The following USP42 variants were observed in gnomAD, a reference collection of about 807,000 sequenced individuals.
USP42 encodes ubiquitin specific peptidase 42, also known as ubiquitin carboxyl-terminal hydrolase 42.
In USP42, 23 loss-of-function variants were observed where a neutral mutation model predicts 113.0. The observed-to-expected ratio is 0.20, with a 90% CI of 0.15 to 0.29. The LOEUF is 0.29. USP42 is among the 10% of genes least tolerant of loss of function. USP42 has a pLI of 1.00. For synonymous variants in USP42, 933 were observed against 699.0 expected (o/e 1.33, Z -5.28); for missense variants, 2,174 against 1,779.8 (o/e 1.22, Z -3.99).
chr7:6,087,525 T>C, the USP42 span, among the ~76,000 whole-genome samples: 12 of 149,148 alleles, frequency 8.0e-5, 2 homozygotes, highest in African/African-American at 2.5e-4. Context: ...TTTGTAGAGA[T>C]GGGGTCTTGC....
intron 3 of USP42, among the ~76,000 whole-genome samples, chr7:6,131,483 A>G (rs1780849112): frequency 6.6e-6 from 1 of 152,136 alleles, no homozygotes; most frequent in South Asian, 2.1e-4. Context: ...CAAAAAAAAC[A>G]AACCAAACAA....
At position 6,146,950 on chromosome 7, in the gene USP42, C is replaced by T. The variant is rs77749212; in HGVS notation, c.1232+702C>T. On this transcript the variant is annotated intron_variant, in intron 11 of 17. Transcript: ENST00000306177. ...ACCTGGAGCACAGGTCAGTTGCCTT[C>T]CAGGCCAAGGCCAGCACCCGCACCC... 5.4e-3 allele frequency among the ~76,000 whole-genome samples: 823 copies of T among 152,358 alleles called. 6 individuals are homozygous for T. Among genetic ancestry groups the T allele is most frequent in the African/African-American group, 0.019 (789 of 41,594 alleles).
At chr7:6,105,969 C>G (rs956945478) in intron 1 of USP42, among the ~76,000 whole-genome samples, 11 of 152,184 alleles carry the variant, frequency 7.2e-5, no homozygotes, top group Admixed American at 6.6e-4. Flanking sequence ...GTTAACGCCT[C>G]CTTTTCAAGG....
intron 14 of USP42, 126 bp from the exon 15 acceptor site, chr7:6,153,624 AAAGTAT>A (rs1231689776): frequency 4.4e-5 from 52 of 1,171,302 alleles, no homozygotes; most frequent in Middle Eastern, 3.1e-4. Flanking sequence ...CCTGAAACTT[AAAGTAT>A]AATAATAATA....
In USP42 at chr7:6,154,673, G is replaced by A. The variant is rs1782316304; in HGVS notation, c.3119G>A (p.Gly1040Asp). The A allele has an allele frequency of 1.9e-6, 3 of 1,605,716 alleles. No homozygotes were observed. Among genetic ancestry groups the A allele is most frequent in the South Asian group, 2.2e-5 (2 of 89,748 alleles). Residue 1040 changes from glycine (G) to aspartate (D), a missense_variant, in exon 15 of 18, where the codon GGC (glycine) becomes GAC (aspartate). Physicochemically the swap from Gly to Asp is moderately conservative, Grantham distance 94 (BLOSUM62 -1). Transcript: ENST00000306177. The part of the protein sequence containing the change: ...LDWVRHHYTE[G>D]ERGWGREKFY... ...TGGGTCAGACACCACTACACCGAGG[G>A]CGAGCGTGGCTGGGGCCGGGAGAAG...
In USP42 at chr7:6,154,753, G is replaced by T. The variant is rs1414414647; in HGVS notation, c.3199G>T (p.Ala1067Ser). 7.7e-6 allele frequency: 12 copies of T among 1,563,944 alleles called. No individual in the cohort carries two copies. The highest frequency in any genetic ancestry group is 1.4e-5 in the African/African-American group (1 of 73,644). The change falls in exon 15 of 18, where the codon GCC becomes TCC. Residue 1067 changes from alanine (A) to serine (S), a missense_variant. Transcript: ENST00000306177. ...DRCRYYHDRY[A>S]LYAARDWKPF... ...GTGCCGGTACTACCATGACAGGTAC[G>T]CCCTGTACGCTGCCCGGGACTGGAA... is the stretch of plus-strand genomic sequence containing the variant.
At chr7:6,092,057 C>CTTCTT in the USP42 span, among the ~76,000 whole-genome samples, 6 of 56,626 alleles carry the variant, frequency 1.1e-4, no homozygotes, top group African/African-American at 3.7e-4. Flanking sequence ...CTTCTTCTTT[C>CTTCTT]TTCTTCTTCT....
the USP42 span, among the ~76,000 whole-genome samples, chr7:6,096,904 G>C: frequency 1.4e-5 from 2 of 147,198 alleles, no homozygotes; most frequent in Non-Finnish European, 2.9e-5. Context: ...ACTCCAGGAT[G>C]CCATCATTTT....
intron 3 of USP42, among the ~76,000 whole-genome samples, chr7:6,120,410 T>A (rs1444771877): frequency 6.6e-6 from 1 of 152,148 alleles, no homozygotes; most frequent in Non-Finnish European, 1.5e-5. Flanking sequence ...TTCTAGCTAA[T>A]TTTTGTATTT....
intron 3 of USP42, chr7:6,116,999 TC>T (rs1779947458): frequency 7.4e-6 from 3 of 403,164 alleles, no homozygotes; most frequent in African/African-American, 2.1e-5. Context: ...CCTCCCTTCC[TC>T]CCTCTCTTTC....
At chr7:6,118,372 A>G (rs1226819765) in intron 3 of USP42, among the ~76,000 whole-genome samples, 1 of 152,094 alleles carries the variant, frequency 6.6e-6, no homozygotes, top group Non-Finnish European at 1.5e-5. Context: ...AAATACAAAA[A>G]TTATCTGGGC....
At position 6,154,373 on chromosome 7, in the gene USP42, A is replaced by T. The variant is rs1473722282; in HGVS notation, c.2819A>T (p.Glu940Val). Residue 940 changes from glutamate to valine, a missense_variant, in exon 15 of 18, where the codon GAG (glutamate) becomes GTG (valine). Glu to Val is a moderately radical substitution (Grantham distance 121). Coordinates refer to ENST00000306177, the MANE Select transcript of USP42 (RefSeq NM_032172.3). ...PKAPGPSPAK[E>V]KIGSLRKVDR... ...GCCCCAGGCCCTTCCCCAGCGAAGG[A>T]GAAAATCGGCAGCCTCAGAAAGGTG... 7.0e-6 allele frequency: 11 copies of T among 1,576,522 alleles called. No individual in the cohort carries two copies. The highest frequency in any genetic ancestry group is 9.5e-6 in the Non-Finnish European group (11 of 1,162,800).
chr7:6,104,255 TG>T (rs1434071016), upstream of USP42, among the ~76,000 whole-genome samples: 1 of 151,258 alleles, frequency 6.6e-6, no homozygotes, highest in South Asian at 2.1e-4. Context: ...GCTAATTTTT[TG>T]TATCTTTAGT....
chr7:6,122,205 G>A (rs1195077014), intron 3 of USP42, among the ~76,000 whole-genome samples: 1 of 151,590 alleles, frequency 6.6e-6, no homozygotes, highest in Non-Finnish European at 1.5e-5. Context: ...TCCAATGTAA[G>A]TGTCAAATGC....
chr7:6,119,915 T>C (rs543136377), intron 3 of USP42, among the ~76,000 whole-genome samples: 10 of 152,298 alleles, frequency 6.6e-5, no homozygotes, highest in South Asian at 6.2e-4. Context: ...TTGCCCAGGC[T>C]GGTCTTGAAC....
At chr7:6,132,937 C>T (rs1291146766) in intron 3 of USP42, among the ~76,000 whole-genome samples, 1 of 152,220 alleles carries the variant, frequency 6.6e-6, no homozygotes, top group African/African-American at 2.4e-5. Context: ...TCCCAAAGTG[C>T]TGGGATTACA....
intron 3 of USP42, among the ~76,000 whole-genome samples, chr7:6,119,265 G>A (rs373791380): frequency 1.3e-5 from 2 of 152,096 alleles, no homozygotes; most frequent in East Asian, 1.9e-4. Context: ...TTCTTTCTCC[G>A]AGTTATGCTG....
At chr7:6,153,004 C>T (rs1311358333) in intron 14 of USP42, 15 of 976,700 alleles carry the variant, frequency 1.5e-5, no homozygotes, top group Non-Finnish European at 1.7e-5. Flanking sequence ...GGCGCGGTGG[C>T]TCACGCCTGT....
intron 3 of USP42, among the ~76,000 whole-genome samples, chr7:6,124,823 A>G (rs1378765875): frequency 6.6e-6 from 1 of 150,518 alleles, no homozygotes; most frequent in Non-Finnish European, 1.5e-5. Context: ...TATTTTTGAT[A>G]TTTTTTTTCA....
Sources: gnomAD v4.1 joint callset for allele counts (sites outside exome capture counted in the v4.1 genomes callset) on GRCh38, gnomAD v4.1.1 for gene constraint, MANE v1.5 for transcripts, NCBI Gene and HGNC (gene_info 2026-07-23, HGNC 2026-07-21) for gene names.